Variants in TFEC observed in about 807,000 individuals in gnomAD.
TFEC encodes the protein class E basic helix-loop-helix protein 34.
In TFEC, 31 loss-of-function variants were observed where a neutral mutation model predicts 41.6. The observed-to-expected ratio is 0.74, with a 90% CI of 0.56 to 1.01. TFEC has a LOEUF of 1.01. Ranked by LOEUF, TFEC falls within the 50% of genes least tolerant of loss-of-function variation. TFEC has a pLI of 0.00. For missense variants in TFEC, 402 were observed against 404.1 expected, an observed-to-expected ratio of 0.99 and a Z score of 0.04; for synonymous variants, 143 against 140.6, an observed-to-expected ratio of 1.02 and a Z score of -0.12.
chr7:115,992,645 C>T (rs1431956155), intron 1 of TFEC, among the ~76,000 whole-genome samples: 7 of 152,138 alleles, frequency 4.6e-5, no homozygotes, highest in Non-Finnish European at 8.8e-5. Context: ...CCTCCCAAGA[C>T]TAAACCAGGA....
At chr7:116,047,198 G>A (rs1483764260) in intron 3 of TFEC, among the ~76,000 whole-genome samples, 3 of 152,218 alleles carry the variant, frequency 2.0e-5, no homozygotes, top group East Asian at 1.9e-4. Context: ...GGAGCAGGGC[G>A]GAGCATCACC....
At chr7:115,968,721 C>G (rs1323829456) in intron 3 of TFEC, among the ~76,000 whole-genome samples, 1 of 151,750 alleles carries the variant, frequency 6.6e-6, no homozygotes, top group African/African-American at 2.4e-5. Flanking sequence ...TTCTATAGTT[C>G]TATGCAATGG....
Position 116,043,277 on chromosome 7 carries a change from G to A in TFEC, c.199-58764C>T, listed in dbSNP as rs144648648. Among the ~76,000 whole-genome samples, 263 of 151,826 alleles carry A rather than the reference G, an allele frequency of 1.7e-3. 1 individual carries two copies. Among genetic ancestry groups the A allele is most frequent in the African/African-American group, 6.1e-3 (251 of 41,436 alleles). On this transcript the variant is annotated intron_variant, in intron 3 of 8. Transcript: ENST00000484212. ...CACTCTTAAGGACTTTTTTTTCTGAGTAAGAGAACATTATTCTCTCAAGAC... is the reference window on the plus strand; with the variant it reads ...CACTCTTAAGGACTTTTTTTTCTGAATAAGAGAACATTATTCTCTCAAGAC...
intron 2 of TFEC, among the ~76,000 whole-genome samples, chr7:115,977,458 A>T (rs980384709): frequency 3.3e-5 from 5 of 152,096 alleles, no homozygotes; most frequent in African/African-American, 1.2e-4. Flanking sequence ...AATACTAGAA[A>T]TATTAAAGGT....
intron 3 of TFEC, among the ~76,000 whole-genome samples, chr7:115,972,061 C>T (rs1793157893): frequency 6.6e-6 from 1 of 151,974 alleles, no homozygotes; most frequent in Non-Finnish European, 1.5e-5. Flanking sequence ...TCAGAGTTTC[C>T]TACCCCTATT....
chr7:116,148,332 A>G (rs1452969588), intron 1 of TFEC, among the ~76,000 whole-genome samples: 1 of 152,202 alleles, frequency 6.6e-6, no homozygotes, highest in Non-Finnish European at 1.5e-5. Flanking sequence ...GAAAGTATAT[A>G]GTGCTATGGG....
chr7:115,968,110 T>A (rs565948007), intron 3 of TFEC: 1 of 1,405,436 alleles, frequency 7.1e-7, no homozygotes, highest in Admixed American at 2.6e-5. Flanking sequence ...ACTATAAGTT[T>A]ATAAAGTTTA....
At chr7:116,099,018 G>A (rs1797541779) in intron 3 of TFEC, among the ~76,000 whole-genome samples, 1 of 152,082 alleles carries the variant, frequency 6.6e-6, no homozygotes, top group Non-Finnish European at 1.5e-5. Context: ...TATAAAAAGA[G>A]TTCTTACATG....
chr7:116,107,387 C>T (rs1797745381), intron 3 of TFEC, among the ~76,000 whole-genome samples: 1 of 152,180 alleles, frequency 6.6e-6, no homozygotes, highest in Non-Finnish European at 1.5e-5. Flanking sequence ...GACATGCGAG[C>T]CAGCAAATGT....
At chr7:116,016,101 A>T (rs1795180135) in intron 1 of TFEC, among the ~76,000 whole-genome samples, 1 of 152,234 alleles carries the variant, frequency 6.6e-6, no homozygotes, top group South Asian at 2.1e-4. Flanking sequence ...TCAAGACAGA[A>T]CACCATCACA....
At chr7:116,117,216 T>G (rs1485461792) in intron 1 of TFEC, among the ~76,000 whole-genome samples, 1 of 151,786 alleles carries the variant, frequency 6.6e-6, no homozygotes, top group Non-Finnish European at 1.5e-5. Flanking sequence ...ATTGCTTTGT[T>G]GGAGAATTAC....
At chr7:116,012,040 T>C (rs183104745) in intron 1 of TFEC, among the ~76,000 whole-genome samples, 10 of 152,306 alleles carry the variant, frequency 6.6e-5, no homozygotes, top group East Asian at 5.8e-4. Context: ...TATTCCTTTA[T>C]AGAAATGCAA....
chr7:116,102,927 T>A (rs913867770), intron 3 of TFEC, among the ~76,000 whole-genome samples: 1 of 152,192 alleles, frequency 6.6e-6, no homozygotes, highest in African/African-American at 2.4e-5. Flanking sequence ...TGTGATAGTA[T>A]GAAAAGTCAA....
At chr7:115,951,032 T>C in intron 5 of TFEC, 83 bp from the exon 6 acceptor site, 1 of 756,462 alleles carries the variant, frequency 1.3e-6, no homozygotes, top group Non-Finnish European at 2.0e-6. Context: ...TAACAATCTT[T>C]TAAAAACAAT....
chr7:116,139,577 A>T (rs571183569), intron 1 of TFEC, among the ~76,000 whole-genome samples: 7 of 152,216 alleles, frequency 4.6e-5, no homozygotes, highest in Non-Finnish European at 8.8e-5. Context: ...TGAACCTTGC[A>T]TTTATTTAGT....
At chr7:116,051,978 G>T (rs780367960) in intron 3 of TFEC, among the ~76,000 whole-genome samples, 7 of 151,874 alleles carry the variant, frequency 4.6e-5, no homozygotes, top group Non-Finnish European at 8.8e-5. Context: ...CTGAGAAGGT[G>T]TAAGGATGAA....
At chr7:116,067,025 G>A (rs1796710360) in intron 3 of TFEC, among the ~76,000 whole-genome samples, 1 of 151,886 alleles carries the variant, frequency 6.6e-6, no homozygotes, top group African/African-American at 2.4e-5. Flanking sequence ...TATCAAATCA[G>A]TTTTTATAAA....
At chr7:116,097,859 T>A (rs1584512306) in intron 3 of TFEC, among the ~76,000 whole-genome samples, 1 of 152,164 alleles carries the variant, frequency 6.6e-6, no homozygotes, top group Admixed American at 6.5e-5. Flanking sequence ...TCAGAAATAG[T>A]GTAAATAAAT....
intron 1 of TFEC, among the ~76,000 whole-genome samples, chr7:116,131,237 A>T (rs896148289): frequency 3.3e-5 from 5 of 152,222 alleles, no homozygotes; most frequent in Non-Finnish European, 7.3e-5. Context: ...CCAATATGTC[A>T]TCAATGCCAT....
Sources: gnomAD v4.1 joint callset for allele counts (sites outside exome capture counted in the v4.1 genomes callset) on GRCh38, gnomAD v4.1.1 for gene constraint, MANE v1.5 for transcripts, NCBI Gene and HGNC (gene_info 2026-07-23, HGNC 2026-07-21) for gene names.